NKAIN2: variants seen among roughly 807,000 people sequenced by gnomAD.
NKAIN2 encodes sodium/potassium-transporting ATPase subunit beta-1-interacting protein 2.
NKAIN2 carries 14 observed loss-of-function variants against 32.6 expected under a neutral mutation model. The observed-to-expected ratio is 0.43, with a 90% CI of 0.28 to 0.67. NKAIN2 has a LOEUF of 0.67. Among genes scored for constraint, NKAIN2 ranks in the 30% least tolerant of loss-of-function variants. The pLI is 0.17. For missense variants in NKAIN2, 198 were observed against 258.3 expected, an observed-to-expected ratio of 0.77 and a Z score of 1.60; for synonymous variants, 80 against 87.2, an observed-to-expected ratio of 0.92 and a Z score of 0.46.
intron 3 of NKAIN2, among the ~76,000 whole-genome samples, chr6:124,400,628 T>G (rs1773585707): frequency 1.3e-5 from 2 of 152,202 alleles, no homozygotes; most frequent in South Asian, 4.1e-4. Flanking sequence ...ATATTCCTAT[T>G]TCTTTCTTTT....
intron 1 of NKAIN2, among the ~76,000 whole-genome samples, chr6:123,989,098 G>A (rs1339169271): frequency 6.6e-6 from 1 of 152,092 alleles, no homozygotes; most frequent in Non-Finnish European, 1.5e-5. Context: ...TTAAACTGGA[G>A]CGTGAATATC....
At chr6:124,305,937 G>C (rs1391295004) in intron 2 of NKAIN2, among the ~76,000 whole-genome samples, 1 of 151,468 alleles carries the variant, frequency 6.6e-6, no homozygotes, top group Non-Finnish European at 1.5e-5. Context: ...CTTCCTTTCA[G>C]TTATCTTTGG....
intron 1 of NKAIN2, among the ~76,000 whole-genome samples, chr6:124,155,999 A>G (rs1787969842): frequency 6.6e-6 from 1 of 151,686 alleles, no homozygotes; most frequent in African/African-American, 2.4e-5. Context: ...GCCCCATTAT[A>G]CCTCCACCTT....
chr6:124,359,222 G>T (rs901473050), intron 3 of NKAIN2, among the ~76,000 whole-genome samples: 7 of 151,948 alleles, frequency 4.6e-5, no homozygotes, highest in Admixed American at 3.3e-4. Flanking sequence ...CTCCAGCTTT[G>T]TTCTTTTGGC....
intron 3 of NKAIN2, among the ~76,000 whole-genome samples, chr6:124,641,715 C>A (rs1161882440): frequency 6.6e-6 from 1 of 151,162 alleles, no homozygotes; most frequent in African/African-American, 2.4e-5. Flanking sequence ...CCATGCCAGC[C>A]TTATTTATTT....
intron 1 of NKAIN2, among the ~76,000 whole-genome samples, chr6:123,974,530 A>G (rs561937401): frequency 6.6e-6 from 1 of 152,302 alleles, no homozygotes; most frequent in South Asian, 2.1e-4. Context: ...TAGGAGTATC[A>G]GATTCTGTGA....
At chr6:124,480,581 T>C (rs1007392991) in intron 3 of NKAIN2, among the ~76,000 whole-genome samples, 27 of 114,182 alleles carry the variant, frequency 2.4e-4, no homozygotes, top group African/African-American at 9.6e-4. Context: ...TTCCAAGATG[T>C]TGAGGTATTA....
At chr6:124,113,853 C>G (rs143637829) in intron 1 of NKAIN2, among the ~76,000 whole-genome samples, 1 of 152,270 alleles carries the variant, frequency 6.6e-6, no homozygotes, top group Non-Finnish European at 1.5e-5. Context: ...TCTGATTTCC[C>G]ACACAGGGAA....
At chr6:123,941,016 G>T (rs779638270) in intron 1 of NKAIN2, among the ~76,000 whole-genome samples, 3 of 151,572 alleles carry the variant, frequency 2.0e-5, no homozygotes, top group Non-Finnish European at 4.4e-5. Flanking sequence ...ATTTATAAGC[G>T]TTTTGCTATT....
chr6:124,702,439 C>G (rs1774841446), intron 4 of NKAIN2, among the ~76,000 whole-genome samples: 1 of 152,096 alleles, frequency 6.6e-6, no homozygotes, highest in Non-Finnish European at 1.5e-5. Flanking sequence ...AATTCCATAT[C>G]TGGCTGAGAT....
chr6:124,765,472 C>CCTGTGTGA (rs906335429), intron 4 of NKAIN2, among the ~76,000 whole-genome samples: 2 of 152,190 alleles, frequency 1.3e-5, no homozygotes, highest in African/African-American at 4.8e-5. Flanking sequence ...CTGAAAGATG[C>CCTGTGTGA]CTGTGTGACT....
intron 1 of NKAIN2, among the ~76,000 whole-genome samples, chr6:123,965,467 G>C (rs1435341302): frequency 6.6e-6 from 1 of 152,098 alleles, no homozygotes; most frequent in African/African-American, 2.4e-5. Flanking sequence ...AAAAACTGCT[G>C]TTGCCTCCCA....
intron 1 of NKAIN2, among the ~76,000 whole-genome samples, chr6:123,925,072 T>C (rs1324199092): frequency 6.6e-6 from 1 of 152,112 alleles, no homozygotes; most frequent in Non-Finnish European, 1.5e-5. Flanking sequence ...AGAATGGAAT[T>C]TTTTTTGTTG....
intron 1 of NKAIN2, among the ~76,000 whole-genome samples, chr6:123,942,103 G>T (rs193213513): frequency 0.01 from 1,527 of 151,942 alleles, 18 homozygotes; most frequent in Middle Eastern, 0.017. Context: ...TTTACGTATT[G>T]CTGATGAGTC....
At chr6:124,054,875 C>A (rs1312920444) in intron 1 of NKAIN2, among the ~76,000 whole-genome samples, 1 of 152,028 alleles carries the variant, frequency 6.6e-6, no homozygotes, top group African/African-American at 2.4e-5. Context: ...GATTAATCAA[C>A]ACTTCCCAAA....
chr6:124,233,949 A>T (rs1792600293), intron 1 of NKAIN2, among the ~76,000 whole-genome samples: 1 of 152,042 alleles, frequency 6.6e-6, no homozygotes, highest in South Asian at 2.1e-4. Flanking sequence ...TTTGCTTTTG[A>T]GTGATTAGTT....
chr6:123,950,325 TAGAG>T (rs1338901122), intron 1 of NKAIN2, among the ~76,000 whole-genome samples: 1 of 151,986 alleles, frequency 6.6e-6, no homozygotes, highest in African/African-American at 2.4e-5. Flanking sequence ...TCAAATGACT[TAGAG>T]AGAATTTCCT....
chr6:124,608,537 C>T (rs1223175832), intron 3 of NKAIN2, among the ~76,000 whole-genome samples: 2 of 152,124 alleles, frequency 1.3e-5, no homozygotes, highest in Non-Finnish European at 1.5e-5. Context: ...AGGGAGTGTG[C>T]CCTCCCTACA....
chr6:124,807,890 T>C (rs1403564304), intron 5 of NKAIN2, among the ~76,000 whole-genome samples: 5 of 150,334 alleles, frequency 3.3e-5, no homozygotes, highest in Non-Finnish European at 7.4e-5. Context: ...CTAGAAGAAA[T>C]GGATGAATTC....
Sources: allele counts gnomAD v4.1 joint callset (sites outside exome capture counted in the v4.1 genomes callset), GRCh38; gene constraint gnomAD v4.1.1; transcripts MANE v1.5; gene names NCBI Gene and HGNC (gene_info 2026-07-23, HGNC 2026-07-21).